The following GPC6 variants were observed in gnomAD, a reference collection of about 807,000 sequenced individuals.
GPC6 encodes glypican 6.
In GPC6, 14 loss-of-function variants were observed where a neutral mutation model predicts 55.2. The ratio of observed to expected loss-of-function variants is 0.25; its 90% CI spans 0.17 to 0.40. GPC6 has a LOEUF of 0.40. Among genes scored for constraint, GPC6 ranks in the 10% least tolerant of loss-of-function variants. The pLI, the probability that GPC6 is intolerant of heterozygous loss-of-function variation, is 1.00. For synonymous variants in GPC6, 278 were observed against 259.6 expected (o/e 1.07, Z -0.68); for missense variants, 641 against 708.5 (o/e 0.90, Z 1.08).
At chr13:93,386,917 G>T (rs535467512) in intron 1 of GPC6, among the ~76,000 whole-genome samples, 2 of 152,036 alleles carry the variant, frequency 1.3e-5, no homozygotes, top group Admixed American at 1.3e-4. Context: ...ACCTCCTTCC[G>T]TGTGTCTTCT....
intron 2 of GPC6, among the ~76,000 whole-genome samples, chr13:93,617,236 G>A (rs750510930): frequency 1.3e-5 from 2 of 151,986 alleles, no homozygotes; most frequent in Non-Finnish European, 2.9e-5. Context: ...GTTACTTAAA[G>A]GAAATTTATA....
At chr13:93,615,083 T>A (rs150436141) in intron 2 of GPC6, among the ~76,000 whole-genome samples, 21 of 152,286 alleles carry the variant, frequency 1.4e-4, no homozygotes, top group Admixed American at 1.4e-3. Flanking sequence ...AATAATATTG[T>A]ACAATTTTTG....
chr13:93,611,114 G>A (rs1209153250), intron 2 of GPC6, among the ~76,000 whole-genome samples: 2 of 152,092 alleles, frequency 1.3e-5, no homozygotes, highest in African/African-American at 4.8e-5. Context: ...CAAACGAAGT[G>A]AACATTTTTA....
At chr13:93,356,000 G>A (rs374112181) in intron 1 of GPC6, among the ~76,000 whole-genome samples, 3 of 152,068 alleles carry the variant, frequency 2.0e-5, no homozygotes, top group Non-Finnish European at 2.9e-5. Flanking sequence ...GTCTTAGCTC[G>A]AAATAGAGAC....
In GPC6 at chr13:94,093,734, T is replaced by G. The variant is rs933355188; in HGVS notation, c.877+65840T>G. 6.6e-5 allele frequency among the ~76,000 whole-genome samples: 10 copies of G among 152,244 alleles called. No homozygotes were observed. In the East Asian group the frequency reaches 1.5e-3, roughly 23 times the overall value. On this transcript the variant is annotated intron_variant, in intron 4 of 8. Coordinates refer to ENST00000377047, the MANE Select transcript of GPC6 (RefSeq NM_005708.5). ...ATATATTTTTAATTATAAGTGATTCTAAAGAATGAACACTTGCTTTCAGGA... is the reference window on the plus strand; with the variant it reads ...ATATATTTTTAATTATAAGTGATTCGAAAGAATGAACACTTGCTTTCAGGA...
intron 2 of GPC6, among the ~76,000 whole-genome samples, chr13:93,602,299 C>T (rs1189382536): frequency 6.6e-6 from 1 of 152,116 alleles, no homozygotes; most frequent in South Asian, 2.1e-4. Context: ...AATACAAATA[C>T]TGTTTTGGGT....
At chr13:93,269,008 T>TA (rs34277119) in intron 1 of GPC6, among the ~76,000 whole-genome samples, 42,477 of 151,990 alleles carry the variant, frequency 0.28, 5,951 homozygotes, top group Middle Eastern at 0.3. Context: ...GAGCATTAGT[T>TA]ACGATTGTCA....
At chr13:94,369,791 G>T (rs1879457373) in intron 6 of GPC6, among the ~76,000 whole-genome samples, 1 of 151,940 alleles carries the variant, frequency 6.6e-6, no homozygotes, top group Admixed American at 6.6e-5. Flanking sequence ...AATGAGTTTT[G>T]GTGTTTTTTT....
intron 2 of GPC6, among the ~76,000 whole-genome samples, chr13:93,636,509 A>G (rs1265504722): frequency 6.6e-6 from 1 of 152,180 alleles, no homozygotes; most frequent in Non-Finnish European, 1.5e-5. Flanking sequence ...GGAGCAATGT[A>G]TTTCTACACT....
intron 1 of GPC6, among the ~76,000 whole-genome samples, chr13:93,492,773 A>T (rs1263972885): frequency 6.6e-6 from 1 of 150,654 alleles, no homozygotes; most frequent in Admixed American, 6.6e-5. Flanking sequence ...GCATCTATTG[A>T]GATAATCATG....
At chr13:93,443,688 T>C (rs1176634252) in intron 1 of GPC6, among the ~76,000 whole-genome samples, 1 of 152,218 alleles carries the variant, frequency 6.6e-6, no homozygotes, top group Admixed American at 6.5e-5. Context: ...GGTTATTGAT[T>C]TCACAAATAA....
intron 5 of GPC6, among the ~76,000 whole-genome samples, chr13:94,297,629 A>T (rs1309227132): frequency 1.3e-5 from 2 of 152,268 alleles, no homozygotes; most frequent in Non-Finnish European, 2.9e-5. Flanking sequence ...GATTTTAAGA[A>T]GTATGCAATA....
intron 1 of GPC6, among the ~76,000 whole-genome samples, chr13:93,513,417 G>A (rs887688055): frequency 6.6e-6 from 1 of 152,072 alleles, no homozygotes; most frequent in African/African-American, 2.4e-5. Context: ...AATCAAATTG[G>A]TGATCTTTGC....
rs1327989076 is a variant in GPC6 at position 93,961,465 on chromosome 13, T to G, written c.712-66264T>G. On this transcript the variant is annotated intron_variant, in intron 3 of 8. Transcript: ENST00000377047. ...CACCTTCCTCTTTTTATATTCAAGT[T>G]AAAAGTAGCCCATTGAACTTTTAAA... is the stretch of plus-strand genomic sequence containing the variant. Among the ~76,000 whole-genome samples, 4 of 152,358 alleles carry G rather than the reference T, an allele frequency of 2.6e-5. No individual in the cohort carries two copies. In the East Asian group the frequency reaches 7.7e-4, roughly 29 times the overall value.
intron 3 of GPC6, among the ~76,000 whole-genome samples, chr13:93,918,123 A>T (rs537028202): frequency 2.8e-4 from 43 of 152,078 alleles, no homozygotes; most frequent in Middle Eastern, 3.4e-3. Flanking sequence ...CATCTAACTC[A>T]TGATGTACTT....
chr13:93,753,314 CGTAT>C (rs371401946), intron 2 of GPC6, among the ~76,000 whole-genome samples: 1 of 152,056 alleles, frequency 6.6e-6, no homozygotes, highest in Non-Finnish European at 1.5e-5. Context: ...TCGGCATGTG[CGTAT>C]GTATGTATGT....
At chr13:93,860,040 G>T (rs1888760478) in intron 3 of GPC6, among the ~76,000 whole-genome samples, 1 of 151,572 alleles carries the variant, frequency 6.6e-6, no homozygotes. Context: ...TATGGTGTTA[G>T]CTTGTGTCAT....
intron 2 of GPC6, among the ~76,000 whole-genome samples, chr13:93,741,934 A>G (rs1245281274): frequency 6.6e-6 from 1 of 152,220 alleles, no homozygotes; most frequent in Admixed American, 6.5e-5. Context: ...ATATTTACAT[A>G]TTATATTTTT....
intron 4 of GPC6, among the ~76,000 whole-genome samples, chr13:94,139,812 T>C (rs1337145292): frequency 6.6e-5 from 10 of 152,182 alleles, no homozygotes; most frequent in Admixed American, 2.6e-4. Context: ...CCTGCCTGTT[T>C]CCTTAGTCAT....
Sources: gnomAD v4.1 joint callset for allele counts (sites outside exome capture counted in the v4.1 genomes callset) on GRCh38, gnomAD v4.1.1 for gene constraint, MANE v1.5 for transcripts, NCBI Gene and HGNC (gene_info 2026-07-23, HGNC 2026-07-21) for gene names.